ISM1: variants seen among roughly 807,000 people sequenced by gnomAD.
ISM1 encodes the protein isthmin 1, also known as isthmin-1.
ISM1 carries 25 observed loss-of-function variants against 46.3 expected under a neutral mutation model. The observed-to-expected ratio is 0.54, with a 90% CI of 0.39 to 0.75. ISM1 has a LOEUF of 0.75. ISM1 is among the 30% of genes least tolerant of loss of function. ISM1 has a pLI of 0.00. For missense variants in ISM1, 536 were observed against 625.4 expected, an observed-to-expected ratio of 0.86 and a Z score of 1.52; for synonymous variants, 255 against 256.7, an observed-to-expected ratio of 0.99 and a Z score of 0.06.
downstream of ISM1, among the ~76,000 whole-genome samples, chr20:13,305,564 G>C (rs1184766476): frequency 6.6e-6 from 1 of 152,148 alleles, no homozygotes; most frequent in Non-Finnish European, 1.5e-5. Context: ...CACAATTTCG[G>C]ACAAATTAAA....
the ISM1 span, among the ~76,000 whole-genome samples, chr20:13,314,868 A>G: frequency 6.6e-6 from 1 of 152,098 alleles, no homozygotes; most frequent in African/African-American, 2.4e-5. Context: ...TATAAGTGAA[A>G]TGAATTCCAG....
chr20:13,241,386 T>C (rs1001733547), intron 1 of ISM1, among the ~76,000 whole-genome samples: 1 of 152,186 alleles, frequency 6.6e-6, no homozygotes, highest in East Asian at 1.9e-4. Context: ...TCTGTGAGGC[T>C]GATGAGAACG....
chr20:13,288,308 C>T (rs1320738670), intron 3 of ISM1, among the ~76,000 whole-genome samples: 1 of 152,134 alleles, frequency 6.6e-6, no homozygotes, highest in Non-Finnish European at 1.5e-5. Context: ...TTCTGGGCAC[C>T]TTCTAGGGAT....
intron 1 of ISM1, among the ~76,000 whole-genome samples, chr20:13,251,366 A>G (rs1381956966): frequency 6.6e-6 from 1 of 152,170 alleles, no homozygotes; most frequent in Non-Finnish European, 1.5e-5. Flanking sequence ...TGCTGTTTGT[A>G]TTTTTCCAAG....
intron 3 of ISM1, among the ~76,000 whole-genome samples, chr20:13,285,417 T>C (rs1236742821): frequency 6.6e-6 from 1 of 152,322 alleles, no homozygotes; most frequent in East Asian, 1.9e-4. Context: ...CTGGCTTGGC[T>C]GGGGCTGGAT....
intron 1 of ISM1, chr20:13,238,063 A>T (rs1012922805): frequency 6.6e-5 from 10 of 152,206 alleles, no homozygotes; most frequent in Non-Finnish European, 1.3e-4. Context: ...AATTGTAGAC[A>T]TATATCTTCT....
At chr20:13,223,943 C>G (rs1048067936) in intron 1 of ISM1, among the ~76,000 whole-genome samples, 1 of 151,984 alleles carries the variant, frequency 6.6e-6, no homozygotes, top group African/African-American at 2.4e-5. Flanking sequence ...CCGGGGTTGG[C>G]CTTTTCCGCT....
In ISM1 at chr20:13,270,756, A is replaced by C. The variant is rs1326121069; in HGVS notation, c.378+13A>C. On this transcript the variant is annotated intron_variant, in intron 2 of 5. Coordinates refer to ENST00000262487, the MANE Select transcript of ISM1 (RefSeq NM_080826.2). ...TCCAAATATCCAGGTAATTCTTGGC[A>C]CCTGGAAGATGGGAGATAACAAAAC... The C allele has an allele frequency of 6.2e-7, 1 of 1,611,354 alleles. No homozygotes were observed. Among genetic ancestry groups the C allele is most frequent in the Non-Finnish European group, 8.5e-7 (1 of 1,178,354 alleles).
chr20:13,234,463 T>C (rs1006798801), intron 1 of ISM1, among the ~76,000 whole-genome samples: 2 of 152,222 alleles, frequency 1.3e-5, no homozygotes. Flanking sequence ...CCTTTGGGTA[T>C]ATACTCAGGA....
chr20:13,254,518 T>C (rs1406348853), intron 1 of ISM1, among the ~76,000 whole-genome samples: 2 of 152,208 alleles, frequency 1.3e-5, no homozygotes, highest in Admixed American at 6.5e-5. Flanking sequence ...CCTGCTGCTC[T>C]CTGTTGCTTT....
Position 13,279,838 on chromosome 20 carries a change from G to T in ISM1, c.583G>T (p.Gly195Trp). 1 of 1,613,996 alleles carries T rather than the reference G, an allele frequency of 6.2e-7. No individual in the cohort carries two copies. Among genetic ancestry groups the T allele is most frequent in the African/African-American group, 1.3e-5 (1 of 75,046 alleles). The change falls in exon 3 of 6, where the codon GGG becomes TGG. Residue 195 changes from glycine to tryptophan, a missense_variant. By Grantham distance (184) the Gly-to-Trp change is radical. Coordinates refer to ENST00000262487, the MANE Select transcript of ISM1 (RefSeq NM_080826.2). Reference sequence around the variant, plus strand: ...CAGCAACTTCCTCAACCCCCCCAGGGGGTGGGACCATACAGCCCCAGGCCA... The same window carrying T: ...CAGCAACTTCCTCAACCCCCCCAGGTGGTGGGACCATACAGCCCCAGGCCA... ...DDSNFLNPPR[G>W]WDHTAPGHRT...
intron 1 of ISM1, among the ~76,000 whole-genome samples, chr20:13,262,202 G>A (rs2039996287): frequency 6.6e-6 from 1 of 152,116 alleles, no homozygotes; most frequent in African/African-American, 2.4e-5. Context: ...TTGACTTAAA[G>A]GGGTGGCTGA....
At chr20:13,230,687 G>A (rs1214003229) in intron 1 of ISM1, among the ~76,000 whole-genome samples, 9 of 151,620 alleles carry the variant, frequency 5.9e-5, no homozygotes, top group African/African-American at 1.5e-4. Flanking sequence ...TGGGGGTGTC[G>A]GTTTAGTGCC....
In ISM1 at chr20:13,225,566, T is replaced by C. The variant is rs577809646; in HGVS notation, c.138+3652T>C. On this transcript the variant is annotated intron_variant, in intron 1 of 5. Coordinates refer to ENST00000262487, the MANE Select transcript of ISM1 (RefSeq NM_080826.2). Reference sequence around the variant, plus strand: ...GACTGTCTCCCCTAGTATGCCCTAGTGTGCTCAAAACATTAATAGGTACGA... The same window carrying C: ...GACTGTCTCCCCTAGTATGCCCTAGCGTGCTCAAAACATTAATAGGTACGA... Among the ~76,000 whole-genome samples, 8 of 152,324 alleles carry C rather than the reference T, an allele frequency of 5.3e-5. No homozygotes were observed. The East Asian group carries it at 1.5e-3, about 29-fold the overall frequency.
At chr20:13,316,271 T>C in the ISM1 span, among the ~76,000 whole-genome samples, 1 of 151,992 alleles carries the variant, frequency 6.6e-6, no homozygotes. Context: ...AAAAGGTCTA[T>C]ATCTATTAAG....
At position 13,236,665 on chromosome 20, in the gene ISM1, T is replaced by C. The variant is rs141021907; in HGVS notation, c.138+14751T>C. 3.8e-3 allele frequency among the ~76,000 whole-genome samples: 584 copies of C among 152,208 alleles called. 5 individuals carry two copies. The highest frequency in any genetic ancestry group is 0.017 in the Middle Eastern group (5 of 294). On this transcript the variant is annotated intron_variant, in intron 1 of 5. Transcript: ENST00000262487. ...CAAGCTAGTTACTTCCTAGATACAATGGGGGTACAGGTATTGGGTAAATAC... is the reference window on the plus strand; with the variant it reads ...CAAGCTAGTTACTTCCTAGATACAACGGGGGTACAGGTATTGGGTAAATAC...
At chr20:13,280,520 T>C (rs2040228220) in intron 3 of ISM1, among the ~76,000 whole-genome samples, 1 of 152,186 alleles carries the variant, frequency 6.6e-6, no homozygotes, top group South Asian at 2.1e-4. Flanking sequence ...CATTTCTCAC[T>C]TGAGTTGGGT....
chr20:13,231,654 T>C (rs971688744), intron 1 of ISM1, among the ~76,000 whole-genome samples: 1 of 152,206 alleles, frequency 6.6e-6, no homozygotes, highest in Admixed American at 6.5e-5. Context: ...GCCTGACTCA[T>C]GCACATTTTA....
chr20:13,226,193 T>G (rs931009892), intron 1 of ISM1, among the ~76,000 whole-genome samples: 1 of 152,238 alleles, frequency 6.6e-6, no homozygotes, highest in Admixed American at 6.5e-5. Flanking sequence ...ATCATCTTTA[T>G]GAACACTTTC....
Sources: gnomAD v4.1 joint callset for allele counts (sites outside exome capture counted in the v4.1 genomes callset) on GRCh38, gnomAD v4.1.1 for gene constraint, MANE v1.5 for transcripts, NCBI Gene and HGNC (gene_info 2026-07-23, HGNC 2026-07-21) for gene names.